The following SIRPG variants were observed in gnomAD, a reference collection of about 807,000 sequenced individuals.
The protein encoded by SIRPG is signal regulatory protein gamma, also known as signal-regulatory protein gamma.
Under a neutral mutation model 35.7 loss-of-function variants are expected in SIRPG, and 38 were observed. That is an observed-to-expected ratio of 1.06 (90% CI 0.82 to 1.40). The LOEUF is 1.40. Ranked by LOEUF, SIRPG falls within the 40% of genes most tolerant of loss-of-function variation. The probability of loss-of-function intolerance (pLI) is 0.00; values close to 1 mark genes in which losing one functional copy is unlikely to be tolerated. For synonymous variants in SIRPG, 215 were observed against 190.4 expected (o/e 1.13, Z -1.06); for missense variants, 519 against 483.0 (o/e 1.07, Z -0.70).
At chr20:1,643,382 C>T (rs1043314192) in intron 2 of SIRPG, among the ~76,000 whole-genome samples, 17 of 152,136 alleles carry the variant, frequency 1.1e-4, no homozygotes, top group Admixed American at 2.0e-4. Flanking sequence ...CTTGTGTATG[C>T]TTCACAAAGT....
At chr20:1,679,973 C>T in the SIRPG span, among the ~76,000 whole-genome samples, 1 of 152,136 alleles carries the variant, frequency 6.6e-6, no homozygotes, top group Admixed American at 6.6e-5. Flanking sequence ...TGGCATCCAC[C>T]TTTCTTCAGG....
the SIRPG span, among the ~76,000 whole-genome samples, chr20:1,679,916 C>G: frequency 6.6e-6 from 1 of 152,068 alleles, no homozygotes; most frequent in Non-Finnish European, 1.5e-5. Flanking sequence ...GGGAGTGTTA[C>G]CAAGACTCTC....
chr20:1,670,185 C>T, the SIRPG span: 6 of 258,326 alleles, frequency 2.3e-5, no homozygotes, highest in Admixed American at 4.0e-5. Context: ...TGGCAGGTGA[C>T]GTTCACCTGG....
the SIRPG span, among the ~76,000 whole-genome samples, chr20:1,666,050 T>C: frequency 6.6e-6 from 1 of 152,022 alleles, no homozygotes; most frequent in South Asian, 2.1e-4. Flanking sequence ...GACAGCACTA[T>C]TGCTGATCCT....
At chr20:1,630,467 C>A in intron 4 of SIRPG, 161 bp from the exon 5 acceptor site, 1 of 596,796 alleles carries the variant, frequency 1.7e-6, no homozygotes, top group South Asian at 2.0e-5. Flanking sequence ...AGGCAGAAGC[C>A]ACAGAAAGAG....
rs982455872 is a variant in SIRPG, at chr20:1,636,224, G to A, written c.712C>T (p.Leu238Phe). 5 of 1,614,200 alleles carry A rather than the reference G, an allele frequency of 3.1e-6. No individual in the cohort carries two copies. Among genetic ancestry groups the A allele is most frequent in the Non-Finnish European group, 4.2e-6 (5 of 1,180,028 alleles). The change falls in exon 3 of 6, where the codon CTT becomes TTT. Residue 238 changes from leucine (L) to phenylalanine (F), a missense_variant. Leu to Phe is a conservative substitution (Grantham distance 22, BLOSUM62 0). Coordinates refer to ENST00000303415, the MANE Select transcript of SIRPG (RefSeq NM_018556.4). ...TCAGACAAGTTGGCAGTCCCACGAA[G>A]AGGGTCCCCCTGCAAGGTGACATGG... ...VAHVTLQGDP[L>F]RGTANLSEAI...
the SIRPG span, among the ~76,000 whole-genome samples, chr20:1,679,429 G>A: frequency 0.24 from 36,410 of 151,914 alleles, 5,121 homozygotes; most frequent in East Asian, 0.59. Context: ...ACCTAGTAGA[G>A]TAGTGGCATT....
At chr20:1,653,082 G>A (rs2091952155) in intron 1 of SIRPG, among the ~76,000 whole-genome samples, 1 of 152,190 alleles carries the variant, frequency 6.6e-6, no homozygotes, top group Non-Finnish European at 1.5e-5. Context: ...AAGTAGAAGA[G>A]CCCAGAGAAG....
the SIRPG span, chr20:1,671,154 G>A: frequency 1.6e-5 from 6 of 384,264 alleles, no homozygotes; most frequent in East Asian, 4.8e-4. Flanking sequence ...GCTCAGCTGT[G>A]GTCCTCACTG....
At chr20:1,650,798 C>T (rs146016152) in intron 1 of SIRPG, among the ~76,000 whole-genome samples, 2 of 152,192 alleles carry the variant, frequency 1.3e-5, no homozygotes, top group Non-Finnish European at 2.9e-5. Context: ...ATCTGAGACC[C>T]ACACTAAGGT....
upstream of SIRPG, among the ~76,000 whole-genome samples, chr20:1,659,043 C>T (rs575418506): frequency 6.6e-6 from 1 of 152,152 alleles, no homozygotes; most frequent in African/African-American, 2.4e-5. Context: ...AGAATATGCA[C>T]CTTGTAGAGC....
chr20:1,658,697 G>A (rs1444120340), upstream of SIRPG, among the ~76,000 whole-genome samples: 3 of 152,148 alleles, frequency 2.0e-5, no homozygotes, highest in African/African-American at 7.2e-5. Flanking sequence ...GAGGTAATGA[G>A]CATATCATGC....
At chr20:1,669,095 T>C in the SIRPG span, among the ~76,000 whole-genome samples, 1 of 152,200 alleles carries the variant, frequency 6.6e-6, no homozygotes, top group African/African-American at 2.4e-5. Context: ...GAGGGGAATA[T>C]CGGCCAACTT....
At chr20:1,663,396 A>G in the SIRPG span, among the ~76,000 whole-genome samples, 1 of 152,256 alleles carries the variant, frequency 6.6e-6, no homozygotes, top group Non-Finnish European at 1.5e-5. Flanking sequence ...AAGAGATGAT[A>G]CTGATTGGGA....
chr20:1,673,947 C>T, the SIRPG span, among the ~76,000 whole-genome samples: 1 of 152,200 alleles, frequency 6.6e-6, no homozygotes, highest in Admixed American at 6.5e-5. Context: ...TTAGACCAGG[C>T]TTCTCCTCCT....
chr20:1,658,557 A>G (rs1247241131), upstream of SIRPG, among the ~76,000 whole-genome samples: 1 of 152,184 alleles, frequency 6.6e-6, no homozygotes, highest in Non-Finnish European at 1.5e-5. Flanking sequence ...GGAAAGAGGA[A>G]AAATCCATGC....
the SIRPG span, among the ~76,000 whole-genome samples, chr20:1,684,404 A>ATG: frequency 0.55 from 81,255 of 147,042 alleles, 21,968 homozygotes; most frequent in Admixed American, 0.6. Flanking sequence ...ATACACACAT[A>ATG]TATATATGTA....
chr20:1,632,548 T>G (rs2091759783), intron 4 of SIRPG, among the ~76,000 whole-genome samples: 1 of 152,020 alleles, frequency 6.6e-6, no homozygotes, highest in Non-Finnish European at 1.5e-5. Flanking sequence ...AGCCAGTGGG[T>G]GGATGAATAA....
chr20:1,649,447 C>T (rs1348841895), intron 1 of SIRPG, 39 bp from the exon 2 acceptor site: 2 of 1,531,082 alleles, frequency 1.3e-6, no homozygotes, highest in Admixed American at 3.8e-5. Flanking sequence ...TTCATCCTTA[C>T]ATAATCCTGT....
Sources: gnomAD v4.1 joint callset for allele counts (sites outside exome capture counted in the v4.1 genomes callset) on GRCh38, gnomAD v4.1.1 for gene constraint, MANE v1.5 for transcripts, NCBI Gene and HGNC (gene_info 2026-07-23, HGNC 2026-07-21) for gene names.